The following EPHA3 variants were observed in gnomAD, a reference collection of about 807,000 sequenced individuals.
The protein encoded by EPHA3 is EPH receptor A3.
In EPHA3, 42 loss-of-function variants were observed where a neutral mutation model predicts 107.1. The observed-to-expected ratio is 0.39, with a 90% CI of 0.31 to 0.51. The LOEUF is 0.51. EPHA3 is among the 20% of genes least tolerant of loss of function. EPHA3 has a pLI of 0.78. For missense variants in EPHA3, 1,183 were observed against 1,211.2 expected, an observed-to-expected ratio of 0.98 and a Z score of 0.35; for synonymous variants, 461 against 424.8, an observed-to-expected ratio of 1.09 and a Z score of -1.05.
At chr3:89,191,686 G>A (rs1705720316) in intron 2 of EPHA3, among the ~76,000 whole-genome samples, 1 of 152,040 alleles carries the variant, frequency 6.6e-6, no homozygotes, top group Admixed American at 6.5e-5. Context: ...TTGGTTAATT[G>A]GTTACCCAGT....
chr3:89,232,943 T>G (rs1177178328), intron 3 of EPHA3, among the ~76,000 whole-genome samples: 4 of 152,204 alleles, frequency 2.6e-5, no homozygotes, highest in Admixed American at 1.3e-4. Flanking sequence ...CCTGAATTCA[T>G]GAATAAGCAG....
At chr3:89,111,038 C>A (rs1227511911) in intron 1 of EPHA3, among the ~76,000 whole-genome samples, 1 of 151,818 alleles carries the variant, frequency 6.6e-6, no homozygotes, top group Non-Finnish European at 1.5e-5. Context: ...CAAAATAAAA[C>A]TGAATAAAAT....
At chr3:89,363,511 A>G (rs1282844195) in intron 5 of EPHA3, among the ~76,000 whole-genome samples, 1 of 150,808 alleles carries the variant, frequency 6.6e-6, no homozygotes, top group South Asian at 2.1e-4. Flanking sequence ...GCCCACACAC[A>G]TTATTGGAGT....
At chr3:89,128,284 T>A (rs1704134120) in intron 2 of EPHA3, among the ~76,000 whole-genome samples, 1 of 152,116 alleles carries the variant, frequency 6.6e-6, no homozygotes, top group South Asian at 2.1e-4. Context: ...TGTATCTGCT[T>A]CTCTTCCTGA....
chr3:89,339,260 A>G (rs1707461530), intron 3 of EPHA3, among the ~76,000 whole-genome samples: 1 of 151,530 alleles, frequency 6.6e-6, no homozygotes, highest in Non-Finnish European at 1.5e-5. Context: ...AATCCCAGCT[A>G]CCTGGGAGGC....
intron 2 of EPHA3, among the ~76,000 whole-genome samples, chr3:89,145,122 G>A (rs943553739): frequency 6.6e-6 from 1 of 151,638 alleles, no homozygotes; most frequent in Non-Finnish European, 1.5e-5. Flanking sequence ...TGATAGAGGA[G>A]GGGAGACAGG....
chr3:89,292,221 CA>C, intron 3 of EPHA3, among the ~76,000 whole-genome samples: 1 of 151,750 alleles, frequency 6.6e-6, no homozygotes, highest in Non-Finnish European at 1.5e-5. Flanking sequence ...AACCATGAAT[CA>C]AAAAAGATTT....
chr3:89,289,904 G>A (rs1389827333), intron 3 of EPHA3, among the ~76,000 whole-genome samples: 1 of 152,112 alleles, frequency 6.6e-6, no homozygotes, highest in Non-Finnish European at 1.5e-5. Flanking sequence ...TTTCTGTTGA[G>A]TGAAGCCATT....
At chr3:89,224,925 G>A (rs1157338763) in intron 3 of EPHA3, among the ~76,000 whole-genome samples, 1 of 151,890 alleles carries the variant, frequency 6.6e-6, no homozygotes, top group African/African-American at 2.4e-5. Context: ...ACTCTTTGAT[G>A]CTGAAAAATA....
chr3:89,456,683 CA>C (rs976630636), intron 15 of EPHA3, among the ~76,000 whole-genome samples: 26 of 152,196 alleles, frequency 1.7e-4, no homozygotes, highest in African/African-American at 6.3e-4. Flanking sequence ...CCAGATCAAA[CA>C]ATTACTTAGA....
At chr3:89,141,728 G>GTT (rs932798227) in intron 2 of EPHA3, among the ~76,000 whole-genome samples, 35 of 150,762 alleles carry the variant, frequency 2.3e-4, no homozygotes, top group East Asian at 7.8e-4. Context: ...GATGTGATCT[G>GTT]TTATATATAT....
chr3:89,225,683 T>G (rs757821092), intron 3 of EPHA3, among the ~76,000 whole-genome samples: 4 of 152,204 alleles, frequency 2.6e-5, no homozygotes, highest in Non-Finnish European at 5.9e-5. Context: ...TCAGGAACAC[T>G]GAGGCTGCAG....
In EPHA3 at chr3:89,120,299, C is replaced by T. The variant is rs148412515; in HGVS notation, c.89-6910C>T. On this transcript the variant is annotated intron_variant, in intron 1 of 16. Coordinates refer to ENST00000336596, the MANE Select transcript of EPHA3 (RefSeq NM_005233.6). ...AAAATGCTGTTTACATAATAATGTC[C>T]TGGTTTTAGAAACTTACATTTTGGG... is the stretch of plus-strand genomic sequence containing the variant. 3.6e-3 allele frequency among the ~76,000 whole-genome samples: 545 copies of T among 152,132 alleles called. 1 individual carries two copies. Among genetic ancestry groups the T allele is most frequent in the Middle Eastern group, 0.027 (8 of 294 alleles).
At chr3:89,161,146 G>A (rs1341357970) in intron 2 of EPHA3, among the ~76,000 whole-genome samples, 1 of 152,062 alleles carries the variant, frequency 6.6e-6, no homozygotes, top group Admixed American at 6.6e-5. Context: ...TTACTGTACT[G>A]TTACTATGAA....
chr3:89,408,599 G>C (rs1359181720), intron 9 of EPHA3, among the ~76,000 whole-genome samples: 2 of 152,090 alleles, frequency 1.3e-5, no homozygotes, highest in Non-Finnish European at 2.9e-5. Context: ...TGTTTATTTT[G>C]CAGTTACATG....
At chr3:89,224,889 A>C (rs1456592581) in intron 3 of EPHA3, among the ~76,000 whole-genome samples, 3 of 151,794 alleles carry the variant, frequency 2.0e-5, no homozygotes, top group Non-Finnish European at 4.4e-5. Context: ...AATAATAAAA[A>C]AATAAAAAGC....
rs750454214 is a variant in EPHA3 at position 89,107,770 on chromosome 3, C to T, written c.22C>T (p.Leu8Phe). 6.2e-7 allele frequency: 1 copy of T among 1,614,060 alleles called. No individual in the cohort carries two copies. Among genetic ancestry groups the T allele is most frequent in the Non-Finnish European group, 8.5e-7 (1 of 1,180,028 alleles). MDCQLSI[L>F]LLLSCSVLDS... ...CAACATGGATTGTCAGCTCTCCATC[C>T]TCCTCCTTCTCAGCTGCTCTGTTCT... The change falls in exon 1 of 17, where the codon CTC (leucine) becomes TTC (phenylalanine). Residue 8 changes from leucine (L) to phenylalanine (F), a missense_variant. Coordinates refer to ENST00000336596, the MANE Select transcript of EPHA3 (RefSeq NM_005233.6).
intron 2 of EPHA3, among the ~76,000 whole-genome samples, chr3:89,208,427 A>AAGGAAGGAAGG (rs1559600798): frequency 0.046 from 915 of 19,910 alleles, 15 homozygotes; most frequent in Non-Finnish European, 0.051. Context: ...AGGAAGGAAG[A>AAGGAAGGAAGG]AAGAAAGAAA....
intron 15 of EPHA3, among the ~76,000 whole-genome samples, chr3:89,472,200 T>C (rs1710415141): frequency 6.6e-6 from 1 of 152,224 alleles, no homozygotes; most frequent in African/African-American, 2.4e-5. Context: ...TGTATGGATA[T>C]ATTTATGTCT....
Sources: gnomAD v4.1 joint callset for allele counts (sites outside exome capture counted in the v4.1 genomes callset) on GRCh38, gnomAD v4.1.1 for gene constraint, MANE v1.5 for transcripts, NCBI Gene and HGNC (gene_info 2026-07-23, HGNC 2026-07-21) for gene names.